Variants in B4GALNT3 observed in about 807,000 individuals in gnomAD.
B4GALNT3 encodes the protein beta-1,4-N-acetyl-galactosaminyltransferase 3.
A neutral mutation model predicts 120.2 loss-of-function variants in B4GALNT3; 86 were observed. The observed-to-expected ratio is 0.72, with a 90% CI of 0.60 to 0.86. B4GALNT3 has a LOEUF of 0.86. B4GALNT3 is among the 40% of genes least tolerant of loss of function. The pLI is 0.00. For synonymous variants in B4GALNT3, 518 were observed against 510.4 expected, an observed-to-expected ratio of 1.01 and a Z score of -0.20; for missense variants, 1,167 against 1,298.9, an observed-to-expected ratio of 0.90 and a Z score of 1.56.
In B4GALNT3 at chr12:520,168, T is replaced by C. The variant is rs540949035; in HGVS notation, c.170-14998T>C. ...AAGACAGGACATGGGATAGAGGGTTTTGGAGTAAACTTTTATCCTCTAAAG... is the reference window on the plus strand; with the variant it reads ...AAGACAGGACATGGGATAGAGGGTTCTGGAGTAAACTTTTATCCTCTAAAG... On this transcript the variant is annotated intron_variant, in intron 1 of 19. Transcript: ENST00000266383. 5.3e-5 allele frequency among the ~76,000 whole-genome samples: 8 copies of C among 152,320 alleles called. No homozygotes were observed. The East Asian group carries it at 1.5e-3, about 29-fold the overall frequency.
chr12:503,593 G>T (rs914030740), intron 1 of B4GALNT3, among the ~76,000 whole-genome samples: 4 of 152,188 alleles, frequency 2.6e-5, no homozygotes, highest in Non-Finnish European at 5.9e-5. Flanking sequence ...TTGGATGAAA[G>T]ATGCCAAAGT....
At chr12:531,108 C>G (rs1159185598) in intron 1 of B4GALNT3, among the ~76,000 whole-genome samples, 1 of 152,206 alleles carries the variant, frequency 6.6e-6, no homozygotes, top group Non-Finnish European at 1.5e-5. Context: ...CACATTCCCC[C>G]AGGGGGGCTA....
chr12:474,252 T>G (rs2120446374), intron 1 of B4GALNT3, among the ~76,000 whole-genome samples: 1 of 152,320 alleles, frequency 6.6e-6, no homozygotes, highest in Middle Eastern at 3.4e-3. Flanking sequence ...ATCGTGGCTT[T>G]CTTCTTCATC....
chr12:542,348 C>G (rs1203958277), intron 3 of B4GALNT3, among the ~76,000 whole-genome samples: 1 of 151,968 alleles, frequency 6.6e-6, no homozygotes, highest in East Asian at 1.9e-4. Flanking sequence ...TTATTCCCTG[C>G]CCCCTCCTCT....
At chr12:502,343 G>A (rs970168948) in intron 1 of B4GALNT3, among the ~76,000 whole-genome samples, 5 of 152,138 alleles carry the variant, frequency 3.3e-5, no homozygotes, top group Non-Finnish European at 4.4e-5. Context: ...GTAGTTAAGC[G>A]CCTCTTCTGC....
intron 1 of B4GALNT3, among the ~76,000 whole-genome samples, chr12:463,799 G>A (rs1592005856): frequency 1.3e-5 from 2 of 152,214 alleles, no homozygotes; most frequent in East Asian, 1.9e-4. Context: ...AAGAGTCGGG[G>A]AAAGTTTATG....
intron 1 of B4GALNT3, among the ~76,000 whole-genome samples, chr12:477,315 T>C (rs1946194670): frequency 6.6e-6 from 1 of 152,166 alleles, no homozygotes; most frequent in African/African-American, 2.4e-5. Context: ...TCAAGTCTAT[T>C]GATCTATTTT....
At chr12:546,776 C>T in intron 7 of B4GALNT3, 63 bp downstream of exon 7, 2 of 1,466,258 alleles carry the variant, frequency 1.4e-6, no homozygotes, top group Non-Finnish European at 1.9e-6. Flanking sequence ...CCGGCTGCGC[C>T]CCTGTCCGCC....
intron 1 of B4GALNT3, among the ~76,000 whole-genome samples, chr12:491,334 C>CT (rs34540336): frequency 0.13 from 18,019 of 142,548 alleles, 1,332 homozygotes; most frequent in Admixed American, 0.25. Flanking sequence ...GATACAAATT[C>CT]TTTTTTTTTT....
chr12:471,566 G>T (rs1946136511), intron 1 of B4GALNT3, among the ~76,000 whole-genome samples: 1 of 151,442 alleles, frequency 6.6e-6, no homozygotes, highest in Non-Finnish European at 1.5e-5. Flanking sequence ...AATTAGCTGG[G>T]CATGAGATTA....
intron 11 of B4GALNT3, among the ~76,000 whole-genome samples, 200 bp from the exon 12 acceptor site, chr12:551,863 C>T (rs1363939411): frequency 6.6e-6 from 1 of 151,960 alleles, no homozygotes; most frequent in Non-Finnish European, 1.5e-5. Context: ...CCTGGGATCA[C>T]TAGCATAACA....
chr12:462,187 T>A (rs1946028603), intron 1 of B4GALNT3, among the ~76,000 whole-genome samples: 1 of 151,966 alleles, frequency 6.6e-6, no homozygotes, highest in Non-Finnish European at 1.5e-5. Flanking sequence ...ATGGATGAGC[T>A]CCTTTGGAGT....
At position 460,648 on chromosome 12, in the gene B4GALNT3, C is replaced by A; in HGVS notation, c.169+103C>A. Reference sequence around the variant, plus strand: ...TCATCCCATCCTCAGACCCGATTTCCCACCCATTTCTCCCTCAGGTGCCCG... The same window carrying A: ...TCATCCCATCCTCAGACCCGATTTCACACCCATTTCTCCCTCAGGTGCCCG... On this transcript the variant is annotated intron_variant, in intron 1 of 19. Transcript: ENST00000266383. The surrounding 1 kb of genome is among the most constrained non-coding windows in gnomAD (Gnocchi z 8.0). 9.0e-7 allele frequency: 1 copy of A among 1,117,110 alleles called. No homozygotes were observed. Among genetic ancestry groups the A allele is most frequent in the Non-Finnish European group, 1.1e-6 (1 of 876,258 alleles). 69.2% of individuals were successfully genotyped at this position (1,117,110 alleles called of 1,614,324 possible).
intron 14 of B4GALNT3, chr12:555,388 G>T (rs1324875326): frequency 2.2e-6 from 1 of 456,752 alleles, no homozygotes; most frequent in Non-Finnish European, 4.4e-6. Flanking sequence ...CTTAGCACAA[G>T]TTTCATTCGT....
At chr12:471,071 A>G (rs73049834) in intron 1 of B4GALNT3, among the ~76,000 whole-genome samples, 21,254 of 150,774 alleles carry the variant, frequency 0.14, 1,809 homozygotes, top group Middle Eastern at 0.31. Context: ...ATTTTGTTCT[A>G]TTTCAAATTT....
chr12:495,856 C>T (rs1018726700), intron 1 of B4GALNT3, among the ~76,000 whole-genome samples: 2 of 152,102 alleles, frequency 1.3e-5, no homozygotes, highest in Admixed American at 6.5e-5. Context: ...AGCAGGTGCT[C>T]AGCTACCAAG....
At chr12:552,600 C>G in intron 13 of B4GALNT3, 72 bp downstream of exon 13, 2 of 1,445,968 alleles carry the variant, frequency 1.4e-6, no homozygotes, top group Non-Finnish European at 1.9e-6. Context: ...AGGGGATGTT[C>G]AGACCGTGCC....
intron 1 of B4GALNT3, among the ~76,000 whole-genome samples, chr12:499,946 T>TG (rs1471280953): frequency 6.6e-6 from 1 of 152,236 alleles, no homozygotes; most frequent in Non-Finnish European, 1.5e-5. Context: ...GCAGCTGTTT[T>TG]ATTTTTCTTG....
chr12:495,812 A>G (rs1946382615), intron 1 of B4GALNT3, among the ~76,000 whole-genome samples: 1 of 152,206 alleles, frequency 6.6e-6, no homozygotes, highest in Non-Finnish European at 1.5e-5. Flanking sequence ...CCGGGTCTGC[A>G]GCTCTGCTGT....
Sources: allele counts gnomAD v4.1 joint callset (sites outside exome capture counted in the v4.1 genomes callset), GRCh38; gene constraint gnomAD v4.1.1; non-coding constraint Gnocchi (gnomAD v3.1); transcripts MANE v1.5; gene names NCBI Gene and HGNC (gene_info 2026-07-23, HGNC 2026-07-21).